HNRNPA2B1: variants seen among roughly 807,000 people sequenced by gnomAD.
HNRNPA2B1 encodes heterogeneous nuclear ribonucleoprotein A2/B1.
In HNRNPA2B1, 3 loss-of-function variants were observed where a neutral mutation model predicts 46.3. The ratio of observed to expected loss-of-function variants is 0.06; its 90% CI spans 0.03 to 0.17. The LOEUF (loss-of-function observed/expected upper bound fraction) is 0.17, where lower values mean the gene tolerates loss of function less well. Ranked by LOEUF, HNRNPA2B1 falls within the 10% of genes least tolerant of loss-of-function variation. HNRNPA2B1 has a pLI of 1.00. For missense variants in HNRNPA2B1, 221 were observed against 418.9 expected, an observed-to-expected ratio of 0.53 and a Z score of 4.12; for synonymous variants, 225 against 133.8, an observed-to-expected ratio of 1.68 and a Z score of -4.70.
At chr7:26,196,728 T>C in intron 4 of HNRNPA2B1, 70 bp from the exon 5 acceptor site, 1 of 1,568,018 alleles carries the variant, frequency 6.4e-7, no homozygotes, top group East Asian at 2.2e-5. Flanking sequence ...AGTTTACCTT[T>C]CAATAAAGTT....
chr7:26,193,468 C>T (rs549115018), intron 8 of HNRNPA2B1, 95 bp from the exon 9 acceptor site: 3 of 1,527,232 alleles, frequency 2.0e-6, no homozygotes, highest in Non-Finnish European at 2.7e-6. Flanking sequence ...AAACACTTAT[C>T]CACAAATTTT....
rs1452615006 is a variant in HNRNPA2B1, at chr7:26,190,169, T to A, written c.*2191A>T. On this transcript the variant is annotated 3_prime_UTR_variant, in exon 11 of 11. Coordinates refer to ENST00000618183, the MANE Select transcript of HNRNPA2B1 (RefSeq NM_002137.4). ...TATTTTATAAACTTTATATTTAAAATAGAATTGTAATCTGTCTACTCACAA... is the reference window on the plus strand; with the variant it reads ...TATTTTATAAACTTTATATTTAAAAAAGAATTGTAATCTGTCTACTCACAA... The A allele has an allele frequency of 6.6e-6, 1 of 152,644 alleles. No individual in the cohort carries two copies. Among genetic ancestry groups the A allele is most frequent in the African/African-American group, 2.4e-5 (1 of 41,464 alleles). The allele number at this position is 152,644 out of a possible 1,614,324, so 9.5% of individuals were successfully genotyped here.
At chr7:26,196,087 A>C (rs760636439) in intron 6 of HNRNPA2B1, among the ~76,000 whole-genome samples, 178 bp from the exon 7 acceptor site, 33 of 152,210 alleles carry the variant, frequency 2.2e-4, no homozygotes, top group Admixed American at 6.6e-4. Context: ...TACCGCCTAA[A>C]TTTTGGACTC....
In HNRNPA2B1 at chr7:26,196,406, C is replaced by T. The variant is rs1419601428; in HGVS notation, c.653G>A (p.Gly218Glu). ...ACGTAGAACTTGAAACTCACCAGAT[C>T]CTCCTCTAAAGTTACTTCCTGGTCC... ...GPGPGSNFRG[G>E]SDGYGSGRGF... Residue 218 changes from glycine to glutamate, a missense_variant, in exon 6 of 11, where the codon GGA becomes GAA. Around this residue, in one of 2 missense-constraint regions of HNRNPA2B1, gnomAD observed 143 missense variants for 200.5 expected, o/e 0.71. Coordinates refer to ENST00000618183, the MANE Select transcript of HNRNPA2B1 (RefSeq NM_002137.4). The T allele has an allele frequency of 1.2e-6, 2 of 1,613,044 alleles. No homozygotes were observed. Among genetic ancestry groups the T allele is most frequent in the Admixed American group, 3.3e-5 (2 of 59,982 alleles).
In HNRNPA2B1 at chr7:26,193,279, G is replaced by A; in HGVS notation, c.936C>T (p.Ser312=). The A allele has an allele frequency of 6.2e-7, 1 of 1,613,502 alleles. No homozygotes were observed. The highest frequency in any genetic ancestry group is 8.5e-7 in the Non-Finnish European group (1 of 1,179,634). Residue 312 remains serine (S), a synonymous_variant, in exon 9 of 11, where the codon AGC becomes AGT. Coordinates refer to ENST00000618183, the MANE Select transcript of HNRNPA2B1 (RefSeq NM_002137.4). The part of the protein sequence containing the change: ...GPMKSGNFGG[S]RNMGGPYGGG... ...CACCATATGGTCCCCCCATGTTCCT[G>A]CTACCACCAAAGTTTCCACTCTTCA...
chr7:26,196,204 G>A (rs758769955), intron 6 of HNRNPA2B1, among the ~76,000 whole-genome samples, 197 bp downstream of exon 6: 6 of 152,154 alleles, frequency 3.9e-5, no homozygotes, highest in South Asian at 2.1e-4. Flanking sequence ...TATTAATCCA[G>A]ATAAATACAA....
chr7:26,192,379 T>C (rs893432583), intron 10 of HNRNPA2B1, 41 bp from the exon 11 acceptor site: 13 of 731,622 alleles, frequency 1.8e-5, no homozygotes, highest in Non-Finnish European at 2.8e-5. Context: ...AAATAGGTTA[T>C]GAAATTATCC....
chr7:26,193,502 GA>G, intron 8 of HNRNPA2B1, 72 bp downstream of exon 8: 1 of 1,543,796 alleles, frequency 6.5e-7, no homozygotes, highest in East Asian at 2.3e-5. Context: ...GACAAACATG[GA>G]AACAAAAGAT....
chr7:26,196,105 G>A (rs922292777), intron 6 of HNRNPA2B1, among the ~76,000 whole-genome samples, 196 bp from the exon 7 acceptor site: 1 of 152,162 alleles, frequency 6.6e-6, no homozygotes, highest in Non-Finnish European at 1.5e-5. Context: ...CTCTTAACAA[G>A]TCTCAATCTT....
chr7:26,194,040 T>C (rs1375064335), intron 7 of HNRNPA2B1, among the ~76,000 whole-genome samples: 1 of 152,144 alleles, frequency 6.6e-6, no homozygotes, highest in Non-Finnish European at 1.5e-5. Flanking sequence ...AAAGAGCACT[T>C]CCTCCTACTG....
At chr7:26,199,776 CAT>C (rs928697203) in intron 1 of HNRNPA2B1, 1 of 152,136 alleles carries the variant, frequency 6.6e-6, no homozygotes, top group Non-Finnish European at 1.5e-5. Context: ...ACAGGAAAAA[CAT>C]AAAATGGTTT....
chr7:26,190,164 TA>T lies in HNRNPA2B1; in HGVS notation c.*2195del, dbSNP rs1381188556. ...GTATTTATTTTATAAACTTTATATTTAAAATAGAATTGTAATCTGTCTACTC... is the reference window on the plus strand; with the variant it reads ...GTATTTATTTTATAAACTTTATATTTAAATAGAATTGTAATCTGTCTACTC... On this transcript the variant is annotated 3_prime_UTR_variant, in exon 11 of 11. Coordinates refer to ENST00000618183, the MANE Select transcript of HNRNPA2B1 (RefSeq NM_002137.4). 3 of 152,756 alleles carry T rather than the reference TA, an allele frequency of 2.0e-5. No homozygotes were observed. Among genetic ancestry groups the T allele is most frequent in the African/African-American group, 7.2e-5 (3 of 41,590 alleles). 9.5% of individuals were successfully genotyped at this position (152,756 alleles called of 1,614,324 possible). A position where few individuals can be genotyped will look rare whatever the true frequency, so the allele number is the denominator to read the frequency against.
chr7:26,193,164 T>C, intron 9 of HNRNPA2B1, 87 bp downstream of exon 9: 2 of 1,327,498 alleles, frequency 1.5e-6, no homozygotes. Context: ...CAGTACAAAC[T>C]ACTTAGTATG....
intron 7 of HNRNPA2B1, 175 bp downstream of exon 7, chr7:26,195,672 A>C (rs1026426398): frequency 2.2e-4 from 132 of 613,774 alleles, no homozygotes; most frequent in Non-Finnish European, 3.4e-4. Flanking sequence ...TCTATTCCTT[A>C]GGCTATAACA....
intron 9 of HNRNPA2B1, among the ~76,000 whole-genome samples, chr7:26,192,903 A>C (rs1209561493): frequency 6.6e-6 from 1 of 152,198 alleles, no homozygotes; most frequent in Non-Finnish European, 1.5e-5. Context: ...AAAATAAGCT[A>C]AGCAATGGTT....
chr7:26,194,331 G>C (rs781284173), intron 7 of HNRNPA2B1, among the ~76,000 whole-genome samples: 1 of 152,032 alleles, frequency 6.6e-6, no homozygotes, highest in Non-Finnish European at 1.5e-5. Context: ...GGGAGGCAGA[G>C]GTTGCAGTGA....
chr7:26,198,133 C>G (rs1783872105), intron 1 of HNRNPA2B1: 2 of 322,270 alleles, frequency 6.2e-6, no homozygotes, highest in South Asian at 2.2e-4. Context: ...CCTAAAAACG[C>G]AAATTTCTAT....
At chr7:26,199,054 T>A (rs1014201470) in intron 1 of HNRNPA2B1, 1 of 152,232 alleles carries the variant, frequency 6.6e-6, no homozygotes, top group Non-Finnish European at 1.5e-5. Context: ...ACGATAGTTA[T>A]TTTCATTTTT....
chr7:26,197,163 A>G lies in HNRNPA2B1; in HGVS notation c.265-146T>C, dbSNP rs1296073293. The G allele has an allele frequency of 3.4e-6, 4 of 1,171,984 alleles. No individual in the cohort carries two copies. In the African/African-American group the frequency reaches 6.2e-5, roughly 18 times the overall value. The allele number at this position is 1,171,984 out of a possible 1,614,324, so 72.6% of individuals were successfully genotyped here. ...GCTTTTAGGGACCTAGCTTTTGAAA[A>G]ATAAGCTAGCTTAAGAAAATGGTCC... On this transcript the variant is annotated intron_variant, in intron 3 of 10. Coordinates refer to ENST00000618183, the MANE Select transcript of HNRNPA2B1 (RefSeq NM_002137.4).
Sources: gnomAD v4.1 joint callset for allele counts (sites outside exome capture counted in the v4.1 genomes callset) on GRCh38, gnomAD v4.1.1 for gene constraint, gnomAD v4.1.1 regional missense constraint, MANE v1.5 for transcripts, NCBI Gene and HGNC (gene_info 2026-07-23, HGNC 2026-07-21) for gene names.